RBFOX1: variants seen among roughly 807,000 people sequenced by gnomAD.
The protein encoded by RBFOX1 is RNA binding protein fox-1 homolog 1.
In RBFOX1, 8 loss-of-function variants were observed where a neutral mutation model predicts 57.7. The observed-to-expected ratio is 0.14, with a 90% confidence interval of 0.08 to 0.25. RBFOX1 has a LOEUF of 0.25. RBFOX1 is among the 10% of genes least tolerant of loss of function. The pLI is 1.00. For missense variants in RBFOX1, 611 were observed against 548.5 expected, an observed-to-expected ratio of 1.11 and a Z score of -1.14; for synonymous variants, 326 against 222.4, an observed-to-expected ratio of 1.47 and a Z score of -4.15.
At position 7,318,760 on chromosome 16, in the gene RBFOX1, T is replaced by A. The variant is rs750252444; in HGVS notation, c.28-199387T>A. Among the ~76,000 whole-genome samples, 29 of 152,332 alleles carry A rather than the reference T, an allele frequency of 1.9e-4. No individual in the cohort carries two copies. In the East Asian group the frequency reaches 5.6e-3, roughly 29 times the overall value. On this transcript the variant is annotated intron_variant, in intron 4 of 15. Transcript: ENST00000550418. ...TATAGCAGGCTGAAAAGGCTGTCTT[T>A]GCCTTCTCTCAACCGCCAGACCCAC...
chr16:5,782,115 G>A (rs867490246), intron 3 of RBFOX1, among the ~76,000 whole-genome samples: 11 of 152,250 alleles, frequency 7.2e-5, no homozygotes, highest in South Asian at 2.1e-4. Context: ...GGAGGCTGAG[G>A]CAGGAGAATC....
intron 1 of RBFOX1, among the ~76,000 whole-genome samples, chr16:5,324,290 C>T (rs531320948): frequency 1.3e-5 from 2 of 152,152 alleles, no homozygotes; most frequent in African/African-American, 4.8e-5. Flanking sequence ...TGGTGAAACC[C>T]CATCTCTACT....
chr16:7,209,933 G>A (rs1030024857), intron 4 of RBFOX1, among the ~76,000 whole-genome samples: 1 of 152,152 alleles, frequency 6.6e-6, no homozygotes, highest in Non-Finnish European at 1.5e-5. Context: ...AGAGTTGATG[G>A]TAGGCAGGCA....
chr16:5,733,053 G>C (rs1312523151), intron 3 of RBFOX1, among the ~76,000 whole-genome samples: 1 of 151,930 alleles, frequency 6.6e-6, no homozygotes, highest in Non-Finnish European at 1.5e-5. Context: ...CTAAACAGGG[G>C]GTACATCTTA....
At chr16:6,037,115 T>G (rs2095375093) in intron 1 of RBFOX1, 1 of 152,200 alleles carries the variant, frequency 6.6e-6, no homozygotes, top group Non-Finnish European at 1.5e-5. Context: ...GGAATATGCA[T>G]TTATTTGAGT....
At chr16:5,700,281 C>A (rs974685339) in intron 3 of RBFOX1, among the ~76,000 whole-genome samples, 3 of 152,098 alleles carry the variant, frequency 2.0e-5, no homozygotes, top group Non-Finnish European at 4.4e-5. Flanking sequence ...TATTCAAAAG[C>A]CCACTTTGAC....
chr16:7,353,953 C>T (rs2097171042), intron 4 of RBFOX1, among the ~76,000 whole-genome samples: 1 of 152,062 alleles, frequency 6.6e-6, no homozygotes, highest in African/African-American at 2.4e-5. Flanking sequence ...TGTTAAATAA[C>T]ACAGAATTGT....
intron 3 of RBFOX1, among the ~76,000 whole-genome samples, chr16:6,785,330 G>A (rs1010461130): frequency 1.3e-5 from 2 of 152,154 alleles, no homozygotes; most frequent in African/African-American, 2.4e-5. Context: ...AGACATCTCT[G>A]TGGTTCAGCA....
At chr16:6,786,279 C>G (rs766108750) in intron 3 of RBFOX1, among the ~76,000 whole-genome samples, 1 of 152,160 alleles carries the variant, frequency 6.6e-6, no homozygotes, top group Non-Finnish European at 1.5e-5. Context: ...GGCTTTTTGG[C>G]TCTGAGATCT....
chr16:5,640,975 C>T (rs575158990), intron 3 of RBFOX1, among the ~76,000 whole-genome samples: 56 of 151,240 alleles, frequency 3.7e-4, no homozygotes, highest in Admixed American at 3.3e-3. Flanking sequence ...CATGCACACA[C>T]ATACATGCAT....
chr16:5,594,143 C>G (rs2047104669), intron 2 of RBFOX1, among the ~76,000 whole-genome samples: 2 of 152,220 alleles, frequency 1.3e-5, no homozygotes, highest in East Asian at 1.9e-4. Flanking sequence ...CCCACACCCT[C>G]TGTCCATTGC....
intron 2 of RBFOX1, among the ~76,000 whole-genome samples, chr16:6,603,285 T>G (rs916693091): frequency 9.2e-5 from 14 of 152,152 alleles, no homozygotes; most frequent in African/African-American, 3.4e-4. Context: ...GCAGCCCACA[T>G]TGCCAGAGCT....
At chr16:6,753,081 A>C (rs896104686) in intron 3 of RBFOX1, among the ~76,000 whole-genome samples, 2 of 151,894 alleles carry the variant, frequency 1.3e-5, no homozygotes, top group Non-Finnish European at 2.9e-5. Flanking sequence ...AATGGCATAA[A>C]AAAATACAAA....
chr16:7,688,346 T>A (rs559912022), intron 14 of RBFOX1, among the ~76,000 whole-genome samples: 14 of 151,878 alleles, frequency 9.2e-5, no homozygotes, highest in Non-Finnish European at 1.6e-4. Flanking sequence ...GATCCTGAGA[T>A]ATATTTAACA....
At chr16:6,256,982 G>A (rs1057049337) in intron 1 of RBFOX1, among the ~76,000 whole-genome samples, 9 of 152,140 alleles carry the variant, frequency 5.9e-5, no homozygotes, top group Admixed American at 4.6e-4. Context: ...TGCATTCCAT[G>A]AGTAGATGTG....
At chr16:6,607,065 T>C (rs1357888960) in intron 2 of RBFOX1, among the ~76,000 whole-genome samples, 2 of 152,202 alleles carry the variant, frequency 1.3e-5, no homozygotes, top group African/African-American at 4.8e-5. Flanking sequence ...CTATACATTT[T>C]TTAATATACC....
At chr16:6,897,293 C>T (rs1269514279) in intron 3 of RBFOX1, among the ~76,000 whole-genome samples, 1 of 152,196 alleles carries the variant, frequency 6.6e-6, no homozygotes, top group East Asian at 1.9e-4. Flanking sequence ...AGCCCAGCTA[C>T]TCAGGAGGCT....
At position 7,710,708 on chromosome 16, in the gene RBFOX1, T is replaced by C; in HGVS notation, c.1157T>C (p.Ile386Thr). 1 of 1,610,566 alleles carries C rather than the reference T, an allele frequency of 6.2e-7. No homozygotes were observed. Residue 386 changes from isoleucine (I) to threonine (T), a missense_variant, in exon 16 of 16, where the codon ATA becomes ACA. By Grantham distance (89) the Ile-to-Thr change is moderately conservative. Transcript: ENST00000550418. ...GLVLSSLQAS[I>T]YRGGYNRFAP... ...GTTCTTTCTTCATTGCAGGCTAGTA[T>C]ATACCGAGGGGGATACAACCGTTTT...
intron 3 of RBFOX1, among the ~76,000 whole-genome samples, chr16:7,006,783 A>C (rs2093329467): frequency 6.6e-6 from 1 of 152,180 alleles, no homozygotes; most frequent in African/African-American, 2.4e-5. Flanking sequence ...CCCTATGCAG[A>C]AGAGAACACT....
Sources: allele counts gnomAD v4.1 joint callset (sites outside exome capture counted in the v4.1 genomes callset), GRCh38; gene constraint gnomAD v4.1.1; transcripts MANE v1.5; gene names NCBI Gene and HGNC (gene_info 2026-07-23, HGNC 2026-07-21).